TMPRSS7: variants seen among roughly 807,000 people sequenced by gnomAD.
TMPRSS7 encodes transmembrane serine protease 7, also known as transmembrane protease serine 7.
A neutral mutation model predicts 95.6 loss-of-function variants in TMPRSS7; 81 were observed. The ratio of observed to expected loss-of-function variants is 0.85; its 90% CI spans 0.71 to 1.02. The LOEUF is 1.02. Ranked by LOEUF, TMPRSS7 falls within the 50% of genes least tolerant of loss-of-function variation. The pLI, the probability that TMPRSS7 is intolerant of heterozygous loss-of-function variation, is 0.00. For synonymous variants in TMPRSS7, 364 were observed against 337.8 expected (o/e 1.08, Z -0.85); for missense variants, 945 against 955.2 (o/e 0.99, Z 0.14).
chr3:112,060,769 C>A (rs1311223069), intron 10 of TMPRSS7, among the ~76,000 whole-genome samples: 9 of 152,024 alleles, frequency 5.9e-5, no homozygotes, highest in Admixed American at 5.9e-4. Context: ...CCTCACCTTA[C>A]AAAATGATGG....
chr3:112,041,957 G>T (rs1191145830), exon 3 of TMPRSS7: 4 of 1,551,414 alleles, frequency 2.6e-6, no homozygotes, highest in Non-Finnish European at 3.5e-6. Context: ...ACTTTGCTGG[G>T]ATGTTTCGCA....
In TMPRSS7 at chr3:112,050,079, T is replaced by C; in HGVS notation, c.1090+105T>C. 1.1e-5 allele frequency: 13 copies of C among 1,156,654 alleles called. No individual in the cohort carries two copies. The South Asian group carries it at 3.1e-4, about 28-fold the overall frequency. The allele number at this position is 1,156,654 out of a possible 1,614,324, so 71.6% of individuals were successfully genotyped here. The stretch of plus-strand genomic sequence containing the variant: ...TGTTGTAATATTCATTGTATTAGTC[T>C]GGGACTCTGAATAAAGGTCCAGTCA... On this transcript the variant is annotated intron_variant, in intron 8 of 17. Coordinates refer to ENST00000452346, the Ensembl canonical transcript of TMPRSS7.
intron 1 of TMPRSS7, 93 bp downstream of exon 1, chr3:112,034,986 AG>A (rs2073141250): frequency 4.5e-6 from 3 of 663,452 alleles, no homozygotes; most frequent in Admixed American, 4.9e-5. Context: ...ATAAACATAA[AG>A]GAAACAATAA....
intron 9 of TMPRSS7, among the ~76,000 whole-genome samples, chr3:112,051,023 C>T (rs2073341076): frequency 6.6e-6 from 1 of 152,044 alleles, no homozygotes; most frequent in East Asian, 1.9e-4. Context: ...ATTGAAAATG[C>T]AAAGGCATTA....
chr3:112,075,195 C>T (rs1026026033), intron 14 of TMPRSS7, 126 bp from the exon 15 acceptor site: 16 of 918,674 alleles, frequency 1.7e-5, no homozygotes, highest in Middle Eastern at 3.2e-4. Flanking sequence ...TGTTCTCTGT[C>T]CTCTAGATAA....
intron 15 of TMPRSS7, among the ~76,000 whole-genome samples, 191 bp downstream of exon 15, chr3:112,075,683 G>C (rs1207534293): frequency 2.6e-5 from 4 of 152,122 alleles, no homozygotes; most frequent in Admixed American, 2.6e-4. Flanking sequence ...AAGCACAAAG[G>C]AAACATCAAG....
At chr3:112,046,045 T>TGTGGGGTA in intron 5 of TMPRSS7, 102 bp downstream of exon 5, 2 of 1,011,834 alleles carry the variant, frequency 2.0e-6, no homozygotes, top group Non-Finnish European at 2.9e-6. Context: ...AATGTGGGAT[T>TGTGGGGTA]ACCCCACAAT....
intron 13 of TMPRSS7, among the ~76,000 whole-genome samples, chr3:112,071,795 A>C (rs1576120773): frequency 6.6e-6 from 1 of 152,296 alleles, no homozygotes; most frequent in Non-Finnish European, 1.5e-5. Flanking sequence ...TTTCAGCTCC[A>C]TCAGGTCATT....
intron 10 of TMPRSS7, among the ~76,000 whole-genome samples, chr3:112,058,150 A>G (rs139488669): frequency 0.016 from 2,488 of 152,344 alleles, 32 homozygotes; most frequent in Non-Finnish European, 0.021. Context: ...TTGTTATTCT[A>G]TGAGTGAAAC....
intron 11 of TMPRSS7, 34 bp downstream of exon 11, chr3:112,061,957 A>C (rs573163699): frequency 6.4e-6 from 10 of 1,556,700 alleles, no homozygotes; most frequent in Non-Finnish European, 8.7e-6. Context: ...GGAAAACTTA[A>C]TACTTACATA....
At chr3:112,061,643 G>C in intron 10 of TMPRSS7, 144 bp from the exon 11 acceptor site, 1 of 832,724 alleles carries the variant, frequency 1.2e-6, no homozygotes, top group Non-Finnish European at 1.8e-6. Flanking sequence ...ACATGGCCTA[G>C]AATGAATAAC....
exon 9 of TMPRSS7, chr3:112,050,714 A>G: frequency 1.2e-6 from 2 of 1,605,122 alleles, no homozygotes; most frequent in Non-Finnish European, 1.7e-6. Flanking sequence ...CTGGCTTTGA[A>G]GGGAAAATTT....
rs181260457 is a variant in TMPRSS7, at chr3:112,079,251, G to A, written c.2361+373G>A. On this transcript the variant is annotated intron_variant, in intron 17 of 17. Transcript: ENST00000452346. ...CATTCCTTTGAAGTATATGCTGGTG[G>A]AAAGAGGAGAGGAATGGAGAGGTGA... Among the ~76,000 whole-genome samples, 647 of 152,276 alleles carry A rather than the reference G, an allele frequency of 4.2e-3. 22 individuals carry two copies. The East Asian group carries it at 0.065, about 15-fold the overall frequency.
In TMPRSS7 at chr3:112,066,512, A is replaced by G. The variant is rs2073578393; in HGVS notation, c.1666+10A>G. ...CAAAACTGCACTCAAAGTGAGGGAG[A>G]GTCCTCTGTGCCCTGCTGTTCCTCC... is the stretch of plus-strand genomic sequence containing the variant. On this transcript the variant is annotated intron_variant, in intron 13 of 17. Coordinates refer to ENST00000452346, the Ensembl canonical transcript of TMPRSS7. 1.2e-6 allele frequency: 2 copies of G among 1,610,258 alleles called. No homozygotes were observed. Among genetic ancestry groups the G allele is most frequent in the Non-Finnish European group, 1.7e-6 (2 of 1,177,110 alleles).
At position 112,045,945 on chromosome 3, in the gene TMPRSS7, T is replaced by A; in HGVS notation, c.691+2T>A. 1 of 1,545,228 alleles carries A rather than the reference T, an allele frequency of 6.5e-7. No individual in the cohort carries two copies. Among genetic ancestry groups the A allele is most frequent in the Non-Finnish European group, 8.7e-7 (1 of 1,143,916 alleles). ...ACATGGACTCTGTGGTACTAAATGG[T>A]GATTGTTGGGTAATTTTCCTTTAGC... On this transcript the variant is annotated splice_donor_variant, in intron 5 of 17. Coordinates refer to ENST00000452346, the Ensembl canonical transcript of TMPRSS7. LOFTEE classifies it high-confidence loss of function.
At chr3:112,060,318 G>A (rs1396869771) in intron 10 of TMPRSS7, among the ~76,000 whole-genome samples, 1 of 152,150 alleles carries the variant, frequency 6.6e-6, no homozygotes, top group Non-Finnish European at 1.5e-5. Flanking sequence ...AGGAGACAGG[G>A]TTTGAGAGCA....
Position 112,061,779 on chromosome 3 carries a change from C to G in TMPRSS7, c.1311-8C>G. On this transcript the variant is annotated splice_polypyrimidine_tract_variant and splice_region_variant and intron_variant, in intron 10 of 17. Transcript: ENST00000452346. ...GCTGTGTATTCTCCCCGACTCTTGT[C>G]TCCCCAGGTACTGTGGCTCCTACAT... 1 of 1,593,884 alleles carries G rather than the reference C, an allele frequency of 6.3e-7. No homozygotes were observed.
chr3:112,055,217 A>T (rs116042595), intron 9 of TMPRSS7, among the ~76,000 whole-genome samples: 1 of 152,106 alleles, frequency 6.6e-6, no homozygotes, highest in African/African-American at 2.4e-5. Context: ...CTTCAGAGAC[A>T]TGCAGGGCTG....
intron 9 of TMPRSS7, among the ~76,000 whole-genome samples, chr3:112,054,311 C>T (rs1158759756): frequency 6.6e-6 from 1 of 152,142 alleles, no homozygotes; most frequent in Non-Finnish European, 1.5e-5. Context: ...TTAAAGTTCC[C>T]AATGCAAAGG....
Sources: allele counts gnomAD v4.1 joint callset (sites outside exome capture counted in the v4.1 genomes callset), GRCh38; gene constraint gnomAD v4.1.1; transcripts MANE v1.5; gene names NCBI Gene and HGNC (gene_info 2026-07-23, HGNC 2026-07-21).